Variants in NEGR1 observed in about 807,000 individuals in gnomAD.
NEGR1 encodes IgLON family member 4.
In NEGR1, 10 loss-of-function variants were observed where a neutral mutation model predicts 40.9. That is an observed-to-expected ratio of 0.24 (90% CI 0.15 to 0.42). The LOEUF is 0.42. Ranked by LOEUF, NEGR1 falls within the 10% of genes least tolerant of loss-of-function variation. NEGR1 has a pLI of 1.00. For synonymous variants in NEGR1, 185 were observed against 166.8 expected, an observed-to-expected ratio of 1.11 and a Z score of -0.84; for missense variants, 352 against 438.9, an observed-to-expected ratio of 0.80 and a Z score of 1.77.
intron 1 of NEGR1, among the ~76,000 whole-genome samples, chr1:71,946,603 ATTC>A (rs1392389799): frequency 1.3e-5 from 2 of 152,144 alleles, no homozygotes; most frequent in African/African-American, 4.8e-5. Flanking sequence ...AACTGATATT[ATTC>A]TACTTATCCC....
At chr1:71,677,976 C>T (rs1652702095) in intron 4 of NEGR1, among the ~76,000 whole-genome samples, 2 of 152,104 alleles carry the variant, frequency 1.3e-5, no homozygotes. Flanking sequence ...TCAGTTTGAA[C>T]ATTTGCCTCA....
At chr1:71,609,120 C>G (rs958120371) in intron 5 of NEGR1, among the ~76,000 whole-genome samples, 3 of 151,890 alleles carry the variant, frequency 2.0e-5, no homozygotes, top group Non-Finnish European at 4.4e-5. Context: ...TTAGTAAAAA[C>G]ATATAAATTA....
At chr1:72,271,995 T>C (rs1190472035) in intron 1 of NEGR1, among the ~76,000 whole-genome samples, 1 of 151,890 alleles carries the variant, frequency 6.6e-6, no homozygotes, top group East Asian at 1.9e-4. Flanking sequence ...CAATTAAACC[T>C]CTTTTTCTTC....
chr1:71,701,689 A>G lies in NEGR1; in HGVS notation c.536-3550T>C, dbSNP rs188012456. Among the ~76,000 whole-genome samples the G allele has an allele frequency of 2.0e-5, 3 of 152,164 alleles. No homozygotes were observed. In the East Asian group the frequency reaches 5.8e-4, roughly 29 times the overall value. On this transcript the variant is annotated intron_variant, in intron 3 of 6. Transcript: ENST00000357731. ...ACATCTTTGGAAGCCATTATTCTGCATGGTTTTCTACCAATTTTCCTTAGA... is the reference window on the plus strand; with the variant it reads ...ACATCTTTGGAAGCCATTATTCTGCGTGGTTTTCTACCAATTTTCCTTAGA...
At chr1:72,104,029 T>C (rs774901113) in intron 1 of NEGR1, among the ~76,000 whole-genome samples, 13 of 152,130 alleles carry the variant, frequency 8.5e-5, no homozygotes, top group East Asian at 5.8e-4. Context: ...GCTCCAAGAA[T>C]TGAAATTTGG....
intron 1 of NEGR1, among the ~76,000 whole-genome samples, chr1:72,267,349 TTATA>T (rs1402157422): frequency 2.6e-5 from 4 of 151,164 alleles, no homozygotes; most frequent in Non-Finnish European, 5.9e-5. Context: ...TAATATATTC[TTATA>T]TAGGAGAAGA....
chr1:72,193,980 T>C (rs1401553775), intron 1 of NEGR1, among the ~76,000 whole-genome samples: 2 of 151,898 alleles, frequency 1.3e-5, no homozygotes. Context: ...TGATCTAAGG[T>C]ATCAGATCAT....
At chr1:72,263,577 C>A (rs12092305) in intron 1 of NEGR1, among the ~76,000 whole-genome samples, 14,864 of 151,524 alleles carry the variant, frequency 0.098, 2,464 homozygotes, top group African/African-American at 0.34. Flanking sequence ...GTTAAATATA[C>A]GCTTAATAAA....
intron 1 of NEGR1, among the ~76,000 whole-genome samples, chr1:72,276,745 T>C (rs1443959077): frequency 6.6e-6 from 1 of 152,130 alleles, no homozygotes; most frequent in East Asian, 1.9e-4. Context: ...AGTCACTCAA[T>C]CAAATATAAT....
At chr1:71,980,590 A>G (rs1430869139) in intron 1 of NEGR1, among the ~76,000 whole-genome samples, 3 of 152,186 alleles carry the variant, frequency 2.0e-5, no homozygotes, top group African/African-American at 7.2e-5. Flanking sequence ...CTGCTTTAAA[A>G]GTCCCTTTAA....
chr1:72,226,152 C>T (rs1296090927), intron 1 of NEGR1, among the ~76,000 whole-genome samples: 1 of 151,748 alleles, frequency 6.6e-6, no homozygotes, highest in African/African-American at 2.4e-5. Context: ...TTTTTGGAAA[C>T]ATGTATTACC....
chr1:71,854,551 T>C (rs1413516294), intron 2 of NEGR1, among the ~76,000 whole-genome samples: 3 of 152,104 alleles, frequency 2.0e-5, no homozygotes, highest in Non-Finnish European at 2.9e-5. Flanking sequence ...TAGTCCACTC[T>C]GATGCTGCTA....
intron 4 of NEGR1, among the ~76,000 whole-genome samples, chr1:71,635,083 G>T (rs544112750): frequency 2.0e-5 from 3 of 152,156 alleles, no homozygotes; most frequent in Admixed American, 2.0e-4. Flanking sequence ...GCAGAAAAAT[G>T]GATGAAATCT....
rs570652392 is a variant in NEGR1, at chr1:72,105,672, C to T, written c.177-170361G>A. Among the ~76,000 whole-genome samples, 53 of 151,888 alleles carry T rather than the reference C, an allele frequency of 3.5e-4. No individual in the cohort carries two copies. The East Asian group carries it at 5.2e-3, about 15-fold the overall frequency. ...CTTCCTTAGGATGTGGAAAACCTGA[C>T]GATAGTTTCAAACATGGAGAGAGAG... On this transcript the variant is annotated intron_variant, in intron 1 of 6. Transcript: ENST00000357731.
intron 1 of NEGR1, among the ~76,000 whole-genome samples, chr1:72,047,811 T>A (rs868824526): frequency 6.6e-6 from 1 of 151,590 alleles, no homozygotes; most frequent in Non-Finnish European, 1.5e-5. Flanking sequence ...GGTTTATTAA[T>A]TAACACTCAA....
chr1:71,730,274 A>G (rs2101663089), intron 3 of NEGR1, among the ~76,000 whole-genome samples: 1 of 152,168 alleles, frequency 6.6e-6, no homozygotes, highest in African/African-American at 2.4e-5. Context: ...AGTTGATTAC[A>G]TTAGTAGTGA....
intron 6 of NEGR1, among the ~76,000 whole-genome samples, chr1:71,527,877 G>A (rs1391262201): frequency 6.6e-6 from 1 of 151,284 alleles, no homozygotes; most frequent in East Asian, 1.9e-4. Context: ...GTGAATATTG[G>A]TAGTAAGTTA....
At chr1:72,212,674 T>C (rs1653654618) in intron 1 of NEGR1, among the ~76,000 whole-genome samples, 1 of 151,932 alleles carries the variant, frequency 6.6e-6, no homozygotes, top group Non-Finnish European at 1.5e-5. Flanking sequence ...AGTAACCACA[T>C]GGAAACTATG....
At chr1:71,469,910 C>T (rs1294831772) in intron 6 of NEGR1, among the ~76,000 whole-genome samples, 1 of 151,842 alleles carries the variant, frequency 6.6e-6, no homozygotes, top group Non-Finnish European at 1.5e-5. Flanking sequence ...TTAATATAAC[C>T]CAACAAAGAG....
Sources: gnomAD v4.1 joint callset for allele counts (sites outside exome capture counted in the v4.1 genomes callset) on GRCh38, gnomAD v4.1.1 for gene constraint, MANE v1.5 for transcripts, NCBI Gene and HGNC (gene_info 2026-07-23, HGNC 2026-07-21) for gene names.